Variants in OR56B2 observed in about 807,000 individuals in gnomAD.
OR56B2 encodes the protein olfactory receptor 56B2.
chr11:5,768,969 A>G, the OR56B2 span, among the ~76,000 whole-genome samples: 1 of 139,292 alleles, frequency 7.2e-6, no homozygotes. Flanking sequence ...ATCAGAAGTT[A>G]CCTCTACATT....
the OR56B2 span, chr11:5,765,822 T>G: frequency 7.1e-6 from 1 of 140,770 alleles, no homozygotes; most frequent in South Asian, 2.3e-4. Context: ...AGAAGCTGCA[T>G]CCAAGGCCTT....
chr11:5,763,617 A>G, the OR56B2 span, among the ~76,000 whole-genome samples: 4 of 140,272 alleles, frequency 2.9e-5, 2 homozygotes, highest in Admixed American at 1.5e-4. Context: ...GGCCTCCACT[A>G]TATTTTTAAC....
At chr11:5,761,616 G>A in the OR56B2 span, among the ~76,000 whole-genome samples, 2 of 151,974 alleles carry the variant, frequency 1.3e-5, no homozygotes, top group Non-Finnish European at 2.9e-5. Context: ...TTTAGCTTTT[G>A]TATTAGACAC....
chr11:5,768,637 G>A, the OR56B2 span, among the ~76,000 whole-genome samples: 55 of 139,266 alleles, frequency 3.9e-4, 7 homozygotes, highest in African/African-American at 1.1e-3. Flanking sequence ...GAATATTTCC[G>A]TACTGTTTTC....
chr11:5,762,239 CCTTA>C, the OR56B2 span, among the ~76,000 whole-genome samples: 4 of 151,692 alleles, frequency 2.6e-5, no homozygotes, highest in African/African-American at 9.7e-5. Flanking sequence ...AACAGTGGAC[CCTTA>C]CTTCATTGAA....
the OR56B2 span, chr11:5,766,671 C>T: frequency 7.2e-6 from 1 of 138,988 alleles, no homozygotes; most frequent in African/African-American, 2.6e-5. Flanking sequence ...CACAATAACA[C>T]ACCCCTTTAC....
the OR56B2 span, among the ~76,000 whole-genome samples, chr11:5,763,956 T>C: frequency 1.4e-5 from 2 of 140,648 alleles, 1 homozygote; most frequent in Non-Finnish European, 3.1e-5. Flanking sequence ...AACCTTATTT[T>C]GTTACAAGTA....
At chr11:5,764,133 G>C in the OR56B2 span, among the ~76,000 whole-genome samples, 528 of 140,740 alleles carry the variant, frequency 3.8e-3, 96 homozygotes, top group Middle Eastern at 0.019. Context: ...AATAAATAGT[G>C]CAGAGTAGCA....
At chr11:5,765,713 C>T in the OR56B2 span, 4 of 140,064 alleles carry the variant, frequency 2.9e-5, 1 homozygote, top group Admixed American at 1.5e-4. Flanking sequence ...ATAGCATTAA[C>T]CAGGTCCTTT....
At chr11:5,763,472 C>T in the OR56B2 span, among the ~76,000 whole-genome samples, 19,463 of 138,604 alleles carry the variant, frequency 0.14, 4,429 homozygotes, top group East Asian at 0.31. Flanking sequence ...CGCCACCATG[C>T]CCGGCTAATT....
At chr11:5,762,540 G>T in the OR56B2 span, among the ~76,000 whole-genome samples, 1 of 151,902 alleles carries the variant, frequency 6.6e-6, no homozygotes, top group African/African-American at 2.4e-5. Context: ...TTTTGCAAGA[G>T]ATTTACATTT....
chr11:5,768,387 C>CA, the OR56B2 span, among the ~76,000 whole-genome samples: 2 of 139,720 alleles, frequency 1.4e-5, no homozygotes, highest in South Asian at 2.3e-4. Context: ...CACGTTGCTG[C>CA]AAAAAACATT....
chr11:5,767,868 T>C, the OR56B2 span, among the ~76,000 whole-genome samples: 1 of 137,248 alleles, frequency 7.3e-6, no homozygotes, highest in Admixed American at 7.5e-5. Context: ...GTTAAGTCTA[T>C]AGAAAAAAAA....
chr11:5,764,356 A>G, the OR56B2 span, among the ~76,000 whole-genome samples: 1 of 140,940 alleles, frequency 7.1e-6, no homozygotes, highest in Non-Finnish European at 1.6e-5. Context: ...CATCATGGCC[A>G]TATGGCCATT....
the OR56B2 span, among the ~76,000 whole-genome samples, chr11:5,764,040 A>C: frequency 7.1e-6 from 1 of 140,704 alleles, no homozygotes; most frequent in Admixed American, 7.3e-5. Flanking sequence ...TAGACTCTAT[A>C]ATTTTAGCGC....
the OR56B2 span, among the ~76,000 whole-genome samples, chr11:5,768,679 A>G: frequency 7.1e-6 from 1 of 140,036 alleles, no homozygotes; most frequent in African/African-American, 2.6e-5. Flanking sequence ...CATTCAATAT[A>G]AAACAATATA....
At chr11:5,768,215 C>T in the OR56B2 span, among the ~76,000 whole-genome samples, 1 of 137,966 alleles carries the variant, frequency 7.2e-6, no homozygotes, top group Admixed American at 7.5e-5. Context: ...TTCCTCATTC[C>T]CCTTCCATCT....
At chr11:5,766,673 C>A in the OR56B2 span, 1 of 138,878 alleles carries the variant, frequency 7.2e-6, no homozygotes, top group Admixed American at 7.5e-5. Flanking sequence ...CAATAACACA[C>A]CCCTTTACCC....
At chr11:5,765,576 A>G in the OR56B2 span, 1 of 140,458 alleles carries the variant, frequency 7.1e-6, no homozygotes, top group Admixed American at 7.4e-5. Flanking sequence ...ACTGAGAAAC[A>G]GCCTGTGTCT....
Sources: allele counts gnomAD v4.1 joint callset (sites outside exome capture counted in the v4.1 genomes callset), GRCh38; gene constraint gnomAD v4.1.1; transcripts MANE v1.5; gene names NCBI Gene and HGNC (gene_info 2026-07-23, HGNC 2026-07-21).